MEIKIN: variants seen among roughly 807,000 people sequenced by gnomAD.
MEIKIN encodes the protein meiotic kinetochore factor.
intron 9 of MEIKIN, among the ~76,000 whole-genome samples, chr5:131,865,657 A>C (rs1292723923): frequency 6.6e-6 from 1 of 151,910 alleles, no homozygotes; most frequent in Admixed American, 6.6e-5. Flanking sequence ...GCTTTTTCCA[A>C]TTTTTTTGAA....
chr5:131,917,022 T>C (rs1751424455), intron 6 of MEIKIN, 97 bp from the exon 7 acceptor site: 3 of 385,012 alleles, frequency 7.8e-6, no homozygotes, highest in Non-Finnish European at 1.4e-5. Context: ...TTCATTTTTA[T>C]AACTTTTTAA....
intron 8 of MEIKIN, among the ~76,000 whole-genome samples, chr5:131,884,924 G>A (rs1322239197): frequency 3.9e-5 from 6 of 152,070 alleles, no homozygotes; most frequent in African/African-American, 7.2e-5. Flanking sequence ...GGCCGTGGCC[G>A]CAGGGTGAGG....
At chr5:131,841,590 A>C (rs1267542505) in intron 11 of MEIKIN, among the ~76,000 whole-genome samples, 1 of 152,182 alleles carries the variant, frequency 6.6e-6, no homozygotes, top group Admixed American at 6.5e-5. Flanking sequence ...TTGTGGTTCC[A>C]TATGAATTTT....
rs577165039 is a variant in MEIKIN at position 131,892,437 on chromosome 5, A to C, written c.704-13389T>G. ...TTCTTTTTATTCTTTTTTCTCTAAA[A>C]TTCTCTTCTCACTTCATTTCATTCA... is the stretch of plus-strand genomic sequence containing the variant. On this transcript the variant is annotated intron_variant, in intron 8 of 12. Coordinates refer to ENST00000442687, the MANE Select transcript of MEIKIN (RefSeq NM_001303622.2). Among the ~76,000 whole-genome samples the C allele has an allele frequency of 2.4e-4, 37 of 151,922 alleles. No homozygotes were observed. The South Asian group carries it at 4.0e-3, about 16-fold the overall frequency.
At chr5:131,901,695 C>T (rs1371631613) in intron 8 of MEIKIN, among the ~76,000 whole-genome samples, 1 of 152,146 alleles carries the variant, frequency 6.6e-6, no homozygotes, top group Non-Finnish European at 1.5e-5. Context: ...ACCAGCCCCA[C>T]AGAATTGGAG....
chr5:131,822,865 G>A (rs1164438624), intron 11 of MEIKIN, among the ~76,000 whole-genome samples: 3 of 151,362 alleles, frequency 2.0e-5, no homozygotes, highest in South Asian at 2.1e-4. Flanking sequence ...AGGACAAGCC[G>A]GGTGTTGATG....
intron 11 of MEIKIN, among the ~76,000 whole-genome samples, chr5:131,834,836 C>A (rs1411267269): frequency 6.6e-6 from 1 of 152,136 alleles, no homozygotes; most frequent in Admixed American, 6.5e-5. Context: ...GTTGAAATTA[C>A]TGGAACCTAT....
rs532380799 is a variant in MEIKIN, at chr5:131,929,691, T to C, written c.478+3822A>G. 2.4e-4 allele frequency among the ~76,000 whole-genome samples: 36 copies of C among 152,224 alleles called. 1 individual carries two copies. In the South Asian group the frequency reaches 7.5e-3, roughly 32 times the overall value. On this transcript the variant is annotated intron_variant, in intron 5 of 12. Transcript: ENST00000442687. ...TTCAATCTTCACCCTCTTCCCACCCTCCAACCTCAAGTAAGCCCCAGTGTC... is the reference window on the plus strand; with the variant it reads ...TTCAATCTTCACCCTCTTCCCACCCCCCAACCTCAAGTAAGCCCCAGTGTC...
In MEIKIN at chr5:131,929,213, C is replaced by T. The variant is rs1023964303; in HGVS notation, c.478+4300G>A. On this transcript the variant is annotated intron_variant, in intron 5 of 12. Transcript: ENST00000442687. ...TACATGTCAAGTCACTTTTTACTTG[C>T]TGCTTTCAAAACTGTCTTTGTATAT... Among the ~76,000 whole-genome samples the T allele has an allele frequency of 3.3e-4, 50 of 152,208 alleles. 1 individual carries two copies. The highest frequency in any genetic ancestry group is 1.2e-3 in the African/African-American group (50 of 41,448).
chr5:131,837,696 T>G (rs1334137252), intron 11 of MEIKIN, among the ~76,000 whole-genome samples: 1 of 152,162 alleles, frequency 6.6e-6, no homozygotes, highest in Non-Finnish European at 1.5e-5. Context: ...GTTATTTTTG[T>G]ACATTGATTT....
At chr5:131,902,611 C>T (rs775264081) in intron 8 of MEIKIN, among the ~76,000 whole-genome samples, 5 of 152,026 alleles carry the variant, frequency 3.3e-5, no homozygotes, top group African/African-American at 9.7e-5. Context: ...ATAAATAACC[C>T]GGTCTCAGAT....
intron 5 of MEIKIN, among the ~76,000 whole-genome samples, chr5:131,925,914 C>A (rs556736211): frequency 1.4e-4 from 22 of 152,118 alleles, no homozygotes; most frequent in South Asian, 4.1e-4. Context: ...GTGATCTGCC[C>A]GCCTTGGCCT....
intron 10 of MEIKIN, among the ~76,000 whole-genome samples, chr5:131,851,813 A>G (rs963078452): frequency 2.0e-5 from 3 of 152,244 alleles, no homozygotes; most frequent in African/African-American, 7.2e-5. Flanking sequence ...AGATGATTTA[A>G]GGTGTGCAGG....
intron 11 of MEIKIN, among the ~76,000 whole-genome samples, chr5:131,824,630 C>T (rs993540029): frequency 2.6e-5 from 4 of 151,940 alleles, no homozygotes; most frequent in Admixed American, 1.3e-4. Flanking sequence ...AAAAATTCAG[C>T]GAAAGGCTTA....
intron 9 of MEIKIN, among the ~76,000 whole-genome samples, chr5:131,872,836 C>T (rs1445782280): frequency 6.6e-6 from 1 of 152,176 alleles, no homozygotes; most frequent in Non-Finnish European, 1.5e-5. Context: ...AGAGTGGGGG[C>T]CAATATTCAA....
chr5:131,834,215 T>C (rs1193986165), intron 11 of MEIKIN, among the ~76,000 whole-genome samples: 1 of 152,234 alleles, frequency 6.6e-6, no homozygotes, highest in African/African-American at 2.4e-5. Flanking sequence ...TTCTCAGGTA[T>C]AATTGACAAA....
intron 5 of MEIKIN, among the ~76,000 whole-genome samples, chr5:131,922,562 G>A (rs1169458106): frequency 1.3e-5 from 2 of 151,982 alleles, no homozygotes; most frequent in African/African-American, 4.8e-5. Context: ...ACAGATTTTG[G>A]TATCCAAGGG....
chr5:131,810,486 T>C (rs1370642608), intron 12 of MEIKIN, among the ~76,000 whole-genome samples: 1 of 152,212 alleles, frequency 6.6e-6, no homozygotes, highest in Non-Finnish European at 1.5e-5. Flanking sequence ...AGTAATAAGC[T>C]CTGTGCATTT....
intron 10 of MEIKIN, among the ~76,000 whole-genome samples, chr5:131,853,248 G>C (rs1324963868): frequency 6.6e-6 from 1 of 152,088 alleles, no homozygotes; most frequent in Admixed American, 6.6e-5. Flanking sequence ...CTGAGTGCAG[G>C]GACATTGTAA....
Sources: allele counts gnomAD v4.1 joint callset (sites outside exome capture counted in the v4.1 genomes callset), GRCh38; gene constraint gnomAD v4.1.1; transcripts MANE v1.5; gene names NCBI Gene and HGNC (gene_info 2026-07-23, HGNC 2026-07-21).